Variants in RPS6KC1 observed in about 807,000 individuals in gnomAD.
RPS6KC1 encodes inactive ribosomal protein S6 kinase delta-1.
In RPS6KC1, 54 loss-of-function variants were observed where a neutral mutation model predicts 103.8. That is an observed-to-expected ratio of 0.52 (90% CI 0.42 to 0.65). The LOEUF is 0.65. Ranked by LOEUF, RPS6KC1 falls within the 30% of genes least tolerant of loss-of-function variation. RPS6KC1 has a pLI of 0.00. For synonymous variants in RPS6KC1, 439 were observed against 438.7 expected (o/e 1.00, Z -0.01); for missense variants, 1,151 against 1,253.8 (o/e 0.92, Z 1.24).
chr1:213,772,214 T>C, the RPS6KC1 span, among the ~76,000 whole-genome samples: 1 of 152,182 alleles, frequency 6.6e-6, no homozygotes, highest in African/African-American at 2.4e-5. Context: ...AGGCCCATTA[T>C]GCAGCGTGGG....
intron 4 of RPS6KC1, among the ~76,000 whole-genome samples, chr1:213,114,157 G>A (rs549464803): frequency 5.3e-5 from 8 of 152,042 alleles, no homozygotes; most frequent in Non-Finnish European, 1.2e-4. Context: ...GGGCAGTATG[G>A]CCATTTTCAC....
the RPS6KC1 span, among the ~76,000 whole-genome samples, chr1:213,468,885 T>A: frequency 6.6e-6 from 1 of 152,178 alleles, no homozygotes; most frequent in Non-Finnish European, 1.5e-5. Context: ...CAGGTCTTTC[T>A]TGACCCTGGG....
the RPS6KC1 span, among the ~76,000 whole-genome samples, chr1:213,400,816 C>T: frequency 2.4e-4 from 36 of 152,058 alleles, no homozygotes; most frequent in East Asian, 6.8e-3. Context: ...ACGCCATTCT[C>T]CTGCCTCGGC....
At chr1:213,152,350 CG>C (rs972413129) in intron 6 of RPS6KC1, among the ~76,000 whole-genome samples, 8 of 145,610 alleles carry the variant, frequency 5.5e-5, no homozygotes, top group Non-Finnish European at 1.2e-4. Flanking sequence ...ACCTCCCTCC[CG>C]GACGGGGCGG....
the RPS6KC1 span, among the ~76,000 whole-genome samples, chr1:213,829,426 G>A: frequency 6.6e-6 from 1 of 152,160 alleles, no homozygotes; most frequent in Admixed American, 6.5e-5. Context: ...TTATGTGTTA[G>A]TAAGAAATCA....
chr1:213,603,804 G>A, the RPS6KC1 span, among the ~76,000 whole-genome samples: 3 of 151,844 alleles, frequency 2.0e-5, no homozygotes, highest in African/African-American at 7.3e-5. Context: ...AGGTTGCAGT[G>A]AACTGAGATT....
intron 1 of RPS6KC1, among the ~76,000 whole-genome samples, chr1:213,056,227 G>A (rs1371153303): frequency 6.6e-6 from 1 of 152,068 alleles, no homozygotes; most frequent in African/African-American, 2.4e-5. Context: ...TTGTCACAGG[G>A]GCCCGGTGAG....
the RPS6KC1 span, among the ~76,000 whole-genome samples, chr1:213,440,638 C>G: frequency 6.7e-6 from 1 of 148,730 alleles, no homozygotes; most frequent in Non-Finnish European, 1.5e-5. Flanking sequence ...CCCATAACAC[C>G]GGGTTCTTTG....
chr1:213,426,473 C>T, the RPS6KC1 span, among the ~76,000 whole-genome samples: 2 of 152,160 alleles, frequency 1.3e-5, no homozygotes, highest in Non-Finnish European at 2.9e-5. Context: ...TCCCCCGTAA[C>T]TAGAGTAGCT....
chr1:213,633,827 G>A, the RPS6KC1 span, among the ~76,000 whole-genome samples: 1 of 124,772 alleles, frequency 8.0e-6, no homozygotes, highest in Non-Finnish European at 1.6e-5. Context: ...GACACACAGA[G>A]GCTCAAAATA....
chr1:213,733,544 G>GTT, the RPS6KC1 span, among the ~76,000 whole-genome samples: 535 of 100,170 alleles, frequency 5.3e-3, 9 homozygotes, highest in Middle Eastern at 0.019. Context: ...GCTATTTTTA[G>GTT]TTTGTTTTTT....
At chr1:213,102,581 AT>A (rs977964124) in intron 3 of RPS6KC1, among the ~76,000 whole-genome samples, 183 of 150,926 alleles carry the variant, frequency 1.2e-3, no homozygotes, top group African/African-American at 3.2e-3. Flanking sequence ...GGCAATTACA[AT>A]TTTTTTTTTC....
the RPS6KC1 span, among the ~76,000 whole-genome samples, chr1:213,595,136 A>C: frequency 6.6e-6 from 1 of 152,120 alleles, no homozygotes; most frequent in Non-Finnish European, 1.5e-5. Flanking sequence ...ACCCACAAAC[A>C]CTAGTTCCAG....
intron 10 of RPS6KC1, among the ~76,000 whole-genome samples, chr1:213,236,183 C>T (rs2094216831): frequency 6.6e-6 from 1 of 152,138 alleles, no homozygotes; most frequent in South Asian, 2.1e-4. Context: ...ACACTTTCTA[C>T]CCCCACCCAC....
chr1:213,455,827 T>A, the RPS6KC1 span, among the ~76,000 whole-genome samples: 1 of 152,224 alleles, frequency 6.6e-6, no homozygotes, highest in African/African-American at 2.4e-5. Context: ...AATTTTATTT[T>A]TACCAAGAAA....
intron 6 of RPS6KC1, among the ~76,000 whole-genome samples, chr1:213,153,171 T>C (rs1003488036): frequency 6.6e-5 from 10 of 151,928 alleles, no homozygotes; most frequent in Non-Finnish European, 1.3e-4. Context: ...TGAGCCGAGA[T>C]GGCAGCAGTA....
At chr1:213,455,889 T>C in the RPS6KC1 span, among the ~76,000 whole-genome samples, 10 of 152,200 alleles carry the variant, frequency 6.6e-5, no homozygotes, top group Admixed American at 2.0e-4. Flanking sequence ...CAGACATCCA[T>C]GACACTCCAC....
the RPS6KC1 span, among the ~76,000 whole-genome samples, chr1:213,761,303 G>T: frequency 6.6e-6 from 1 of 152,168 alleles, no homozygotes; most frequent in Admixed American, 6.5e-5. Flanking sequence ...TAGCTCAAAA[G>T]CACAGCCAGA....
chr1:213,841,580 T>C, the RPS6KC1 span, among the ~76,000 whole-genome samples: 1 of 152,200 alleles, frequency 6.6e-6, no homozygotes, highest in African/African-American at 2.4e-5. Context: ...TCCTTCATTC[T>C]GAGTCTCCTC....
Sources: gnomAD v4.1 joint callset for allele counts (sites outside exome capture counted in the v4.1 genomes callset) on GRCh38, gnomAD v4.1.1 for gene constraint, MANE v1.5 for transcripts, NCBI Gene and HGNC (gene_info 2026-07-23, HGNC 2026-07-21) for gene names.